The following AOX1 variants were observed in gnomAD, a reference collection of about 807,000 sequenced individuals.
AOX1 encodes aldehyde oxidase 1, also known as aldehyde oxidase.
Under a neutral mutation model 169.5 loss-of-function variants are expected in AOX1, and 153 were observed. The ratio of observed to expected loss-of-function variants is 0.90; its 90% CI spans 0.79 to 1.03. The LOEUF is 1.03. Ranked by LOEUF, AOX1 falls within the 50% of genes least tolerant of loss-of-function variation. The pLI, the probability that AOX1 is intolerant of heterozygous loss-of-function variation, is 0.00. For synonymous variants in AOX1, 562 were observed against 581.9 expected (o/e 0.97, Z 0.49); for missense variants, 1,656 against 1,663.9 (o/e 1.00, Z 0.08).
At chr2:200,627,540 C>A (rs1180646428) in intron 20 of AOX1, 91 bp downstream of exon 20, 3 of 888,852 alleles carry the variant, frequency 3.4e-6, no homozygotes, top group Non-Finnish European at 3.6e-6. Flanking sequence ...CATCGGGCAG[C>A]CTAGGGGGGT....
At position 200,666,686 on chromosome 2, in the gene AOX1, G is replaced by T; in HGVS notation, c.3544-1G>T. ...ACATTTTAACTTTTTTTTAATACTAGAACATCAGAACAGACATTGTCATGG... is the reference window on the plus strand; with the variant it reads ...ACATTTTAACTTTTTTTTAATACTATAACATCAGAACAGACATTGTCATGG... On this transcript the variant is annotated splice_acceptor_variant, in intron 31 of 34. Transcript: ENST00000374700. LOFTEE classifies it high-confidence loss of function. 1.3e-6 allele frequency: 2 copies of T among 1,594,462 alleles called. No homozygotes were observed. The highest frequency in any genetic ancestry group is 1.1e-5 in the South Asian group (1 of 87,072).
At chr2:200,639,328 G>A (rs947795295) in intron 23 of AOX1, among the ~76,000 whole-genome samples, 6 of 152,172 alleles carry the variant, frequency 3.9e-5, no homozygotes, top group Admixed American at 6.5e-5. Flanking sequence ...TTTAGGCACC[G>A]GACCTGTAAG....
intron 26 of AOX1, among the ~76,000 whole-genome samples, chr2:200,652,486 G>A (rs887000451): frequency 1.3e-5 from 2 of 152,206 alleles, no homozygotes; most frequent in Admixed American, 6.5e-5. Flanking sequence ...ACTGGGAAAA[G>A]GGTTTGTAAG....
chr2:200,645,148 A>G (rs200678364), intron 25 of AOX1, among the ~76,000 whole-genome samples: 1 of 93,222 alleles, frequency 1.1e-5, no homozygotes, highest in African/African-American at 5.1e-5. Flanking sequence ...ACTTTTTCCC[A>G]TTCAATATTA....
chr2:200,599,749 A>G lies in AOX1; in HGVS notation c.436+3A>G. On this transcript the variant is annotated splice_donor_region_variant and intron_variant, in intron 5 of 34. Coordinates refer to ENST00000374700, the MANE Select transcript of AOX1 (RefSeq NM_001159.4). ...TCAGTTAACTGATGCCCTTGGTGGT[A>G]GGTTATATATGCATGCTTTTATTTT... 2 of 1,575,768 alleles carry G rather than the reference A, an allele frequency of 1.3e-6. No individual in the cohort carries two copies. The highest frequency in any genetic ancestry group is 8.6e-7 in the Non-Finnish European group (1 of 1,163,512).
At chr2:200,643,010 A>G (rs1448707737) in intron 25 of AOX1, among the ~76,000 whole-genome samples, 1 of 152,128 alleles carries the variant, frequency 6.6e-6, no homozygotes. Flanking sequence ...CCTGAAGCAG[A>G]AGATCCTGAG....
At position 200,670,706 on chromosome 2, in the gene AOX1, A is replaced by G. The variant is rs1340389958; in HGVS notation, c.*27A>G. 1.3e-6 allele frequency: 2 copies of G among 1,593,462 alleles called. No individual in the cohort carries two copies. The highest frequency in any genetic ancestry group is 8.6e-7 in the Non-Finnish European group (1 of 1,162,662). Reference sequence around the variant, plus strand: ...TCAAATGCAAACTTCTGGAGAAAACAGAGTGCCTCTTCCCAGATGGCAATC... The same window carrying G: ...TCAAATGCAAACTTCTGGAGAAAACGGAGTGCCTCTTCCCAGATGGCAATC... On this transcript the variant is annotated 3_prime_UTR_variant, in exon 35 of 35. Coordinates refer to ENST00000374700, the MANE Select transcript of AOX1 (RefSeq NM_001159.4).
At chr2:200,672,046 A>C (rs1254353733), downstream of AOX1, among the ~76,000 whole-genome samples, 3 of 152,206 alleles carry the variant, frequency 2.0e-5, no homozygotes, top group South Asian at 2.1e-4. Context: ...AGCCAGGCAC[A>C]AAAGGCTGCA....
At chr2:200,648,563 G>A (rs1041773310) in intron 25 of AOX1, among the ~76,000 whole-genome samples, 10 of 152,314 alleles carry the variant, frequency 6.6e-5, no homozygotes, top group South Asian at 6.2e-4. Context: ...GTGCTGGTTG[G>A]CCTCCTACCA....
At chr2:200,661,888 G>A (rs1406639629) in intron 30 of AOX1, among the ~76,000 whole-genome samples, 1 of 152,050 alleles carries the variant, frequency 6.6e-6, no homozygotes, top group Non-Finnish European at 1.5e-5. Context: ...CATAGTGGGT[G>A]GTATTATAAG....
At chr2:200,619,167 C>A (rs760597844) in intron 16 of AOX1, among the ~76,000 whole-genome samples, 14 of 152,096 alleles carry the variant, frequency 9.2e-5, no homozygotes, top group Non-Finnish European at 1.9e-4. Context: ...CTTCTTTTTT[C>A]TCCCAGTAAA....
Position 200,599,754 on chromosome 2 carries a change from A to T in AOX1, c.436+8A>T, listed in dbSNP as rs372270039. 4 of 1,515,266 alleles carry T rather than the reference A, an allele frequency of 2.6e-6. No homozygotes were observed. The highest frequency in any genetic ancestry group is 2.4e-5 in the East Asian group (1 of 41,302). 93.9% of individuals were successfully genotyped at this position (1,515,266 alleles called of 1,614,324 possible). A position where few individuals can be genotyped will look rare whatever the true frequency, so the allele number is the denominator to read the frequency against. On this transcript the variant is annotated splice_region_variant and intron_variant, in intron 5 of 34. Coordinates refer to ENST00000374700, the MANE Select transcript of AOX1 (RefSeq NM_001159.4). ...TAACTGATGCCCTTGGTGGTAGGTT[A>T]TATATGCATGCTTTTATTTTTTAAT... is the stretch of plus-strand genomic sequence containing the variant.
chr2:200,674,291 G>A (rs916231358), downstream of AOX1, among the ~76,000 whole-genome samples: 1 of 152,196 alleles, frequency 6.6e-6, no homozygotes, highest in South Asian at 2.1e-4. Context: ...CTTAGAGGTG[G>A]CAAGGGGAAA....
intron 4 of AOX1, among the ~76,000 whole-genome samples, chr2:200,597,852 T>TAATCCC (rs1402736395): frequency 1.3e-5 from 2 of 152,234 alleles, no homozygotes; most frequent in Non-Finnish European, 2.9e-5. Context: ...CTAACACCTG[T>TAATCCC]AATCCCAACA....
At chr2:200,589,027 G>A (rs1290071462) in intron 1 of AOX1, among the ~76,000 whole-genome samples, 1 of 151,894 alleles carries the variant, frequency 6.6e-6, no homozygotes, top group Non-Finnish European at 1.5e-5. Flanking sequence ...CCCTAGAAGA[G>A]GGCTTTTGAA....
rs536753018 is a variant in AOX1 at position 200,599,743 on chromosome 2, G to A, written c.433G>A (p.Gly145Ser). The change falls in exon 5 of 35, where the codon GGT (glycine) becomes AGT (serine). Residue 145 changes from glycine (G) to serine (S), a missense_variant. Transcript: ENST00000374700. ...TCTGGATCAGTTAACTGATGCCCTT[G>A]GTGGTAGGTTATATATGCATGCTTT... ...PTLDQLTDAL[G>S]GNLCRCTGYR... The A allele has an allele frequency of 5.0e-6, 8 of 1,588,052 alleles. No homozygotes were observed. The South Asian group carries it at 6.9e-5, about 14-fold the overall frequency.
At chr2:200,592,689 T>C (rs2034198972) in intron 1 of AOX1, among the ~76,000 whole-genome samples, 1 of 152,056 alleles carries the variant, frequency 6.6e-6, no homozygotes. Flanking sequence ...ACCACAATTA[T>C]TTGAACAAGA....
rs2034879094 is a variant in AOX1 at position 200,621,151 on chromosome 2, C to G, written c.1906C>G (p.Pro636Ala). ...TGATCTGTCAGAAGCTCTCAGCATG[C>G]CCGGTGTGGTGGACATCATGACAGC... ...SIDLSEALSM[P>A]GVVDIMTAEH... Residue 636 changes from proline (P) to alanine (A), a missense_variant, in exon 18 of 35, where the codon CCC becomes GCC. Physicochemically the swap from Pro to Ala is conservative, Grantham distance 27 (BLOSUM62 -1). Coordinates refer to ENST00000374700, the MANE Select transcript of AOX1 (RefSeq NM_001159.4). 2.5e-6 allele frequency: 4 copies of G among 1,613,976 alleles called. No homozygotes were observed. Among genetic ancestry groups the G allele is most frequent in the Admixed American group, 3.3e-5 (2 of 59,986 alleles).
intron 21 of AOX1, 96 bp downstream of exon 21, chr2:200,635,011 T>C: frequency 1.3e-6 from 2 of 1,494,176 alleles, no homozygotes; most frequent in Non-Finnish European, 1.8e-6. Context: ...ATTTGGGAAT[T>C]TGAGGTGGGG....
Sources: gnomAD v4.1 joint callset for allele counts (sites outside exome capture counted in the v4.1 genomes callset) on GRCh38, gnomAD v4.1.1 for gene constraint, MANE v1.5 for transcripts, NCBI Gene and HGNC (gene_info 2026-07-23, HGNC 2026-07-21) for gene names.